The following RNF150 variants were observed in gnomAD, a reference collection of about 807,000 sequenced individuals.
The protein encoded by RNF150 is ring finger protein 150.
In RNF150, 24 loss-of-function variants were observed where a neutral mutation model predicts 39.3. The observed-to-expected ratio is 0.61, with a 90% CI of 0.44 to 0.86. RNF150 has a LOEUF of 0.86. RNF150 is among the 40% of genes least tolerant of loss of function. RNF150 has a pLI of 0.00. For missense variants in RNF150, 502 were observed against 587.8 expected, an observed-to-expected ratio of 0.85 and a Z score of 1.51; for synonymous variants, 255 against 227.3, an observed-to-expected ratio of 1.12 and a Z score of -1.10.
At chr4:140,991,603 C>T (rs756131052) in intron 1 of RNF150, among the ~76,000 whole-genome samples, 1 of 152,116 alleles carries the variant, frequency 6.6e-6, no homozygotes, top group Non-Finnish European at 1.5e-5. Flanking sequence ...AACTTCATTT[C>T]CTCACTGGAA....
intron 1 of RNF150, among the ~76,000 whole-genome samples, chr4:141,208,709 G>A (rs555992006): frequency 6.6e-6 from 1 of 152,328 alleles, no homozygotes; most frequent in African/African-American, 2.4e-5. Flanking sequence ...CCAACTCACT[G>A]TCAAGGTCTA....
chr4:140,895,088 C>CT (rs1447025773), intron 6 of RNF150, among the ~76,000 whole-genome samples: 1 of 152,148 alleles, frequency 6.6e-6, no homozygotes, highest in South Asian at 2.1e-4. Flanking sequence ...CCACTAGAGA[C>CT]TAAGTCCCAG....
At chr4:140,899,968 C>CTGTGTGTG (rs1216982458) in intron 6 of RNF150, among the ~76,000 whole-genome samples, 9 of 117,334 alleles carry the variant, frequency 7.7e-5, no homozygotes, top group African/African-American at 3.0e-4. Flanking sequence ...CTCTCTCTCT[C>CTGTGTGTG]TCTCTCTGTG....
chr4:140,999,293 T>C (rs1734489835), intron 1 of RNF150, among the ~76,000 whole-genome samples: 1 of 152,234 alleles, frequency 6.6e-6, no homozygotes. Flanking sequence ...GAATCAACTC[T>C]GCTGATGAGC....
chr4:141,200,358 C>A (rs753316360), intron 1 of RNF150, among the ~76,000 whole-genome samples: 1 of 151,938 alleles, frequency 6.6e-6, no homozygotes, highest in Non-Finnish European at 1.5e-5. Flanking sequence ...GACTCTACCT[C>A]CTAATACTAT....
chr4:141,070,640 A>G (rs1159758407), intron 1 of RNF150, among the ~76,000 whole-genome samples: 2 of 149,746 alleles, frequency 1.3e-5, no homozygotes, highest in Non-Finnish European at 3.0e-5. Flanking sequence ...AATGCTCACC[A>G]TCACTGGGCA....
chr4:141,139,647 C>G (rs1195730016), intron 1 of RNF150, among the ~76,000 whole-genome samples: 9 of 152,160 alleles, frequency 5.9e-5, no homozygotes, highest in Non-Finnish European at 1.3e-4. Flanking sequence ...AGTTTTTGAC[C>G]ACTTAATGTA....
intron 1 of RNF150, among the ~76,000 whole-genome samples, chr4:141,192,542 A>C (rs1728127045): frequency 6.6e-6 from 1 of 152,202 alleles, no homozygotes; most frequent in Non-Finnish European, 1.5e-5. Context: ...TAGTTTAGAC[A>C]GGAACATCAG....
chr4:140,995,782 C>A (rs1203552852), intron 1 of RNF150, among the ~76,000 whole-genome samples: 2 of 152,150 alleles, frequency 1.3e-5, no homozygotes, highest in East Asian at 3.8e-4. Flanking sequence ...CCAGTTCCAT[C>A]CATATTGTTG....
chr4:141,174,056 A>C (rs1278478574), intron 1 of RNF150, among the ~76,000 whole-genome samples: 1 of 152,206 alleles, frequency 6.6e-6, no homozygotes, highest in Non-Finnish European at 1.5e-5. Flanking sequence ...GGTAAATTCT[A>C]GTTGACTTCA....
At chr4:140,879,973 T>C (rs1239800534) in intron 6 of RNF150, among the ~76,000 whole-genome samples, 2 of 152,204 alleles carry the variant, frequency 1.3e-5, no homozygotes, top group Non-Finnish European at 2.9e-5. Flanking sequence ...CCTTTCCAAA[T>C]TGGATGCTTT....
chr4:141,024,962 G>T (rs897772482), intron 1 of RNF150, among the ~76,000 whole-genome samples: 4 of 152,086 alleles, frequency 2.6e-5, no homozygotes, highest in Non-Finnish European at 4.4e-5. Context: ...CAATGCAAAA[G>T]TCAAAAGAAA....
intron 1 of RNF150, among the ~76,000 whole-genome samples, chr4:141,022,278 T>C (rs965999414): frequency 6.6e-6 from 1 of 152,164 alleles, no homozygotes; most frequent in Non-Finnish European, 1.5e-5. Context: ...GCCTCAGATC[T>C]GTCAGCTTAT....
intron 1 of RNF150, among the ~76,000 whole-genome samples, chr4:141,168,197 C>T (rs930994850): frequency 6.6e-6 from 1 of 152,150 alleles, no homozygotes; most frequent in African/African-American, 2.4e-5. Context: ...TGAAAAAAAG[C>T]TCATCATCAC....
chr4:140,917,722 AT>A (rs1192198615), intron 5 of RNF150, among the ~76,000 whole-genome samples: 1 of 152,000 alleles, frequency 6.6e-6, no homozygotes, highest in Non-Finnish European at 1.5e-5. Flanking sequence ...TCCACCCCAA[AT>A]CAACAGAATA....
chr4:140,995,307 CAG>C (rs755465826), intron 1 of RNF150, among the ~76,000 whole-genome samples: 4 of 152,184 alleles, frequency 2.6e-5, no homozygotes, highest in Non-Finnish European at 5.9e-5. Context: ...TGTACAGCAG[CAG>C]CAGAGGTACG....
At chr4:141,195,668 G>A (rs891168527) in intron 1 of RNF150, among the ~76,000 whole-genome samples, 3 of 152,208 alleles carry the variant, frequency 2.0e-5, no homozygotes, top group Non-Finnish European at 4.4e-5. Context: ...GAAAGGTTAA[G>A]TCAATTTATG....
intron 1 of RNF150, among the ~76,000 whole-genome samples, chr4:141,124,095 T>G (rs1726688334): frequency 6.6e-6 from 1 of 152,246 alleles, no homozygotes; most frequent in South Asian, 2.1e-4. Flanking sequence ...AAAAATCCAC[T>G]GTGGTGTGCT....
At chr4:140,962,901 ATTAT>A (rs1386776080) in intron 2 of RNF150, among the ~76,000 whole-genome samples, 1 of 151,988 alleles carries the variant, frequency 6.6e-6, no homozygotes, top group African/African-American at 2.4e-5. Flanking sequence ...GTTTTTGAAA[ATTAT>A]TTAATGATAG....
Sources: allele counts gnomAD v4.1 joint callset (sites outside exome capture counted in the v4.1 genomes callset), GRCh38; gene constraint gnomAD v4.1.1; transcripts MANE v1.5; gene names NCBI Gene and HGNC (gene_info 2026-07-23, HGNC 2026-07-21).